NELL1: variants seen among roughly 807,000 people sequenced by gnomAD.
The protein encoded by NELL1 is neural EGFL like 1, also known as protein kinase C-binding protein NELL1.
A neutral mutation model predicts 107.4 loss-of-function variants in NELL1; 76 were observed. That is an observed-to-expected ratio of 0.71 (90% confidence interval 0.59 to 0.86). The LOEUF (loss-of-function observed/expected upper bound fraction) is 0.86, where lower values mean the gene tolerates loss of function less well. Ranked by LOEUF, NELL1 falls within the 40% of genes least tolerant of loss-of-function variation. NELL1 has a pLI of 0.00. For missense variants in NELL1, 1,024 were observed against 1,005.5 expected, an observed-to-expected ratio of 1.02 and a Z score of -0.25; for synonymous variants, 353 against 341.2, an observed-to-expected ratio of 1.03 and a Z score of -0.38.
chr11:21,270,635 A>G (rs1310156775), intron 14 of NELL1, among the ~76,000 whole-genome samples: 1 of 152,140 alleles, frequency 6.6e-6, no homozygotes, highest in Non-Finnish European at 1.5e-5. Flanking sequence ...CTGGCAGAAA[A>G]TTCTTAAGGA....
chr11:21,296,341 A>T (rs1056085954), intron 14 of NELL1, among the ~76,000 whole-genome samples: 1 of 151,998 alleles, frequency 6.6e-6, no homozygotes, highest in African/African-American at 2.4e-5. Context: ...ATTAGTTATT[A>T]TTCCTGGGAG....
At chr11:21,157,149 G>GTATA (rs148360732) in intron 13 of NELL1, among the ~76,000 whole-genome samples, 14,542 of 147,364 alleles carry the variant, frequency 0.099, 835 homozygotes, top group Admixed American at 0.12. Context: ...GAATGTGTAT[G>GTATA]TATATATATA....
At chr11:21,417,837 C>T (rs1852555955) in intron 15 of NELL1, among the ~76,000 whole-genome samples, 1 of 152,020 alleles carries the variant, frequency 6.6e-6, no homozygotes, top group Admixed American at 6.6e-5. Context: ...ACATCCTTTA[C>T]CCATGGTGTT....
At chr11:20,825,689 C>T (rs936437163) in intron 3 of NELL1, among the ~76,000 whole-genome samples, 3 of 151,328 alleles carry the variant, frequency 2.0e-5, no homozygotes, top group African/African-American at 4.8e-5. Flanking sequence ...TTTCATTGTA[C>T]AGGCTCATAG....
chr11:21,007,993 G>C (rs1030040337), intron 12 of NELL1, among the ~76,000 whole-genome samples: 8 of 152,108 alleles, frequency 5.3e-5, no homozygotes, highest in African/African-American at 1.9e-4. Flanking sequence ...TCAGAGCTCA[G>C]AGTGATTTTA....
intron 15 of NELL1, among the ~76,000 whole-genome samples, chr11:21,389,165 T>C (rs1851812766): frequency 6.6e-6 from 1 of 151,818 alleles, no homozygotes; most frequent in South Asian, 2.1e-4. Flanking sequence ...AAATGGATTA[T>C]AGGATCTATG....
intron 12 of NELL1, among the ~76,000 whole-genome samples, chr11:21,003,772 C>CT (rs1175221553): frequency 2.6e-5 from 4 of 151,982 alleles, no homozygotes; most frequent in Non-Finnish European, 5.9e-5. Context: ...GCTAGATTAC[C>CT]TTTTTTTAAT....
intron 15 of NELL1, among the ~76,000 whole-genome samples, chr11:21,502,638 G>T (rs1300128646): frequency 6.6e-6 from 1 of 152,150 alleles, no homozygotes; most frequent in African/African-American, 2.4e-5. Flanking sequence ...AGTTGTCATT[G>T]TGGTTGTCCT....
At chr11:21,157,549 T>A (rs1211649926) in intron 13 of NELL1, among the ~76,000 whole-genome samples, 1 of 152,194 alleles carries the variant, frequency 6.6e-6, no homozygotes, top group African/African-American at 2.4e-5. Flanking sequence ...TGCTGAGCCA[T>A]GAGAAAGCAA....
chr11:21,076,003 A>G (rs908402660), intron 12 of NELL1, among the ~76,000 whole-genome samples: 8 of 152,224 alleles, frequency 5.3e-5, no homozygotes, highest in African/African-American at 1.9e-4. Flanking sequence ...TTTTATAAAC[A>G]CATACAAACA....
intron 12 of NELL1, among the ~76,000 whole-genome samples, chr11:21,000,143 G>C (rs984098281): frequency 6.6e-6 from 1 of 152,068 alleles, no homozygotes; most frequent in African/African-American, 2.4e-5. Flanking sequence ...TTTCTACTTA[G>C]CTGACATTCT....
At chr11:20,918,821 A>G (rs1850315442) in intron 6 of NELL1, among the ~76,000 whole-genome samples, 3 of 151,992 alleles carry the variant, frequency 2.0e-5, no homozygotes, top group African/African-American at 7.2e-5. Flanking sequence ...TTGAACTAAA[A>G]TTTGAAAAGA....
At chr11:20,929,838 G>C (rs1039204231) in intron 9 of NELL1, among the ~76,000 whole-genome samples, 1 of 152,046 alleles carries the variant, frequency 6.6e-6, no homozygotes, top group African/African-American at 2.4e-5. Flanking sequence ...TGGGTGTGGT[G>C]GTGGGCACCT....
chr11:21,031,131 A>G (rs1030391084), intron 12 of NELL1, among the ~76,000 whole-genome samples: 2 of 152,198 alleles, frequency 1.3e-5, no homozygotes, highest in African/African-American at 2.4e-5. Flanking sequence ...CAGCTATTTC[A>G]TATTCTTTTA....
At chr11:21,328,581 G>A (rs12805238) in intron 14 of NELL1, among the ~76,000 whole-genome samples, 43,256 of 151,824 alleles carry the variant, frequency 0.28, 6,292 homozygotes, top group Admixed American at 0.38. Context: ...GAGGGCCACC[G>A]TTCTCCTGAC....
chr11:20,940,818 T>G (rs1439413120), intron 10 of NELL1, among the ~76,000 whole-genome samples: 1 of 152,174 alleles, frequency 6.6e-6, no homozygotes, highest in Non-Finnish European at 1.5e-5. Flanking sequence ...ATAATAAGAC[T>G]TTGTGATATA....
intron 15 of NELL1, among the ~76,000 whole-genome samples, chr11:21,386,763 A>G (rs1851756253): frequency 6.6e-6 from 1 of 151,866 alleles, no homozygotes; most frequent in South Asian, 2.1e-4. Flanking sequence ...CATAAATTCT[A>G]TGCCTTCGCC....
In NELL1 at chr11:20,830,553, G is replaced by T. The variant is rs943636658; in HGVS notation, c.336-17030G>T. 3.9e-5 allele frequency among the ~76,000 whole-genome samples: 6 copies of T among 152,000 alleles called. No homozygotes were observed. The South Asian group carries it at 8.3e-4, about 21-fold the overall frequency. On this transcript the variant is annotated intron_variant, in intron 3 of 19. Coordinates refer to ENST00000357134, the MANE Select transcript of NELL1 (RefSeq NM_006157.5). Reference sequence around the variant, plus strand: ...GGGTTTCACCATGTTGGCCAGGCTGGTATTGAAGTCATGACCTGAGATGAT... The same window carrying T: ...GGGTTTCACCATGTTGGCCAGGCTGTTATTGAAGTCATGACCTGAGATGAT...
intron 2 of NELL1, among the ~76,000 whole-genome samples, chr11:20,698,411 G>A (rs1854679343): frequency 6.6e-6 from 1 of 152,148 alleles, no homozygotes; most frequent in Non-Finnish European, 1.5e-5. Flanking sequence ...ATTAAGGAAA[G>A]CAGAGATGGA....
Sources: allele counts gnomAD v4.1 joint callset (sites outside exome capture counted in the v4.1 genomes callset), GRCh38; gene constraint gnomAD v4.1.1; transcripts MANE v1.5; gene names NCBI Gene and HGNC (gene_info 2026-07-23, HGNC 2026-07-21).